CD99: variants seen among roughly 807,000 people sequenced by gnomAD.
The protein encoded by CD99 is CD99 antigen.
In CD99, 19 loss-of-function variants were observed where a neutral mutation model predicts 28.4. The ratio of observed to expected loss-of-function variants is 0.67; its 90% CI spans 0.47 to 0.98. The LOEUF is 0.98. Ranked by LOEUF, CD99 falls within the 50% of genes least tolerant of loss-of-function variation. The pLI is 0.00. For synonymous variants in CD99, 103 were observed against 92.1 expected (o/e 1.12, Z -0.67); for missense variants, 283 against 248.8 (o/e 1.14, Z -0.92).
intron 8 of CD99, among the ~76,000 whole-genome samples, chrX:2,728,625 C>T (rs781323647): frequency 1.3e-5 from 2 of 152,300 alleles, no homozygotes; most frequent in South Asian, 4.1e-4. Flanking sequence ...TAACATTCTT[C>T]TCCCCTCTTG....
chrX:2,692,524 C>T (rs2047373325), intron 1 of CD99, among the ~76,000 whole-genome samples: 1 of 152,162 alleles, frequency 6.6e-6, no homozygotes, highest in Admixed American at 6.5e-5. Flanking sequence ...TTAAAGGGGT[C>T]CCGGGTATCC....
At chrX:2,738,986 C>G (rs1159204855) in intron 9 of CD99, among the ~76,000 whole-genome samples, 1 of 151,864 alleles carries the variant, frequency 6.6e-6, no homozygotes, top group Non-Finnish European at 1.5e-5. Flanking sequence ...AAGCTGGAAC[C>G]ACAGGCGTGC....
intron 8 of CD99, among the ~76,000 whole-genome samples, chrX:2,726,768 C>T (rs900620947): frequency 2.0e-5 from 3 of 152,066 alleles, no homozygotes; most frequent in South Asian, 2.1e-4. Context: ...TATTTACAAC[C>T]GATGTCATCA....
At chrX:2,696,858 A>G (rs1259217515) in intron 1 of CD99, among the ~76,000 whole-genome samples, 1 of 152,022 alleles carries the variant, frequency 6.6e-6, no homozygotes, top group Non-Finnish European at 1.5e-5. Context: ...GAGATGGTGC[A>G]TGGGTGTGTT....
intron 1 of CD99, chrX:2,692,108 A>G (rs905425690): frequency 5.2e-5 from 31 of 598,324 alleles, no homozygotes; most frequent in Admixed American, 3.0e-5. Flanking sequence ...CAGGGAAGAA[A>G]GAGCCACGGT....
rs768091309 is a variant in CD99, at chrX:2,691,354, G to A, written c.-7G>A. Reference sequence around the variant, plus strand: ...CCGGGACCGTCCCTGCGCGCTCTGGGCGCACCATGGCCCGCGGGGCTGCGC... The same window carrying A: ...CCGGGACCGTCCCTGCGCGCTCTGGACGCACCATGGCCCGCGGGGCTGCGC... On this transcript the variant is annotated 5_prime_UTR_variant, in exon 1 of 10. Transcript: ENST00000381192. 1 of 1,564,662 alleles carries A rather than the reference G, an allele frequency of 6.4e-7. No individual in the cohort carries two copies. The highest frequency in any genetic ancestry group is 1.2e-5 in the South Asian group (1 of 86,528).
chrX:2,731,765 CA>C (rs1237858402), intron 8 of CD99, among the ~76,000 whole-genome samples: 4 of 151,996 alleles, frequency 2.6e-5, no homozygotes, highest in African/African-American at 9.7e-5. Flanking sequence ...GGCATCTTTC[CA>C]ACAAGGAGAT....
At chrX:2,700,589 G>A (rs994125357) in intron 1 of CD99, among the ~76,000 whole-genome samples, 4 of 138,900 alleles carry the variant, frequency 2.9e-5, no homozygotes, top group South Asian at 2.3e-4. Flanking sequence ...TCCATCCGTC[G>A]TCCCATTCCT....
intron 2 of CD99, chrX:2,714,671 A>C (rs939551969): frequency 9.4e-6 from 4 of 425,118 alleles, no homozygotes; most frequent in Admixed American, 8.4e-5. Context: ...AGTATACTCC[A>C]ATTGAAAATA....
Position 2,691,390 on chromosome X carries a change from G to A in CD99, c.30G>A (p.Leu10=). MARGAALAL[L]LFGLLGVLVA... ...CCCGCGGGGCTGCGCTGGCGCTGCT[G>A]CTCTTCGGCCTGCTGGGTGTTCTGG... The change falls in exon 1 of 10, where the codon CTG becomes CTA. Residue 10 remains leucine (L), a synonymous_variant. Transcript: ENST00000381192. The A allele has an allele frequency of 6.3e-7, 1 of 1,582,730 alleles. No individual in the cohort carries two copies. Among genetic ancestry groups the A allele is most frequent in the East Asian group, 2.3e-5 (1 of 43,696 alleles).
chrX:2,698,521 CA>C (rs1240520215), intron 1 of CD99, among the ~76,000 whole-genome samples: 4 of 152,160 alleles, frequency 2.6e-5, no homozygotes, highest in Non-Finnish European at 4.4e-5. Flanking sequence ...GGCTGAAGTG[CA>C]GTGGTGTGAT....
chrX:2,701,492 G>A (rs2047860754), intron 1 of CD99, among the ~76,000 whole-genome samples: 1 of 152,228 alleles, frequency 6.6e-6, no homozygotes, highest in Non-Finnish European at 1.5e-5. Flanking sequence ...CACTTGTTCA[G>A]GGGGTCAGAG....
intron 1 of CD99, chrX:2,691,654 T>G: frequency 1.4e-6 from 1 of 707,668 alleles, no homozygotes; most frequent in Non-Finnish European, 2.6e-6. Context: ...GCGTTTGTTG[T>G]CGGAGTTGCA....
At chrX:2,703,606 G>A (rs1416614005) in intron 1 of CD99, among the ~76,000 whole-genome samples, 1 of 28,278 alleles carries the variant, frequency 3.5e-5, no homozygotes, top group African/African-American at 3.8e-4. Flanking sequence ...GAGCTGTTAA[G>A]TGTGTGTGTG....
chrX:2,708,310 C>T (rs887874657), intron 1 of CD99, among the ~76,000 whole-genome samples: 4 of 152,020 alleles, frequency 2.6e-5, no homozygotes, highest in Non-Finnish European at 4.4e-5. Flanking sequence ...TATATGAAAT[C>T]GAGAGCGGGT....
chrX:2,691,414 G>A lies in CD99; in HGVS notation c.54G>A (p.Leu18=). 3 of 1,584,718 alleles carry A rather than the reference G, an allele frequency of 1.9e-6. No individual in the cohort carries two copies. Among genetic ancestry groups the A allele is most frequent in the Non-Finnish European group, 2.6e-6 (3 of 1,174,500 alleles). The change falls in exon 1 of 10, where the codon CTG becomes CTA. Residue 18 remains leucine (L), a synonymous_variant. Coordinates refer to ENST00000381192, the MANE Select transcript of CD99 (RefSeq NM_002414.5). ...TGCTCTTCGGCCTGCTGGGTGTTCT[G>A]GTCGCCGCCCCGGGTGAGCGAGCGG... is the stretch of plus-strand genomic sequence containing the variant. ...ALLLFGLLGV[L]VAAPDGGFDL...
chrX:2,729,131 C>T (rs927625554), intron 8 of CD99, among the ~76,000 whole-genome samples: 15 of 152,132 alleles, frequency 9.9e-5, no homozygotes, highest in Non-Finnish European at 2.1e-4. Context: ...TCAAAGCACC[C>T]GGCCTCTTTT....
chrX:2,738,194 T>G lies in CD99; in HGVS notation c.476-6T>G. ...GCCTCTCTGTGTATTTTCTTCTTCT[T>G]TTCAGCAGAACAAGGGGAGGTGGAC... On this transcript the variant is annotated splice_region_variant and splice_polypyrimidine_tract_variant and intron_variant, in intron 8 of 9. Coordinates refer to ENST00000381192, the MANE Select transcript of CD99 (RefSeq NM_002414.5). 1.9e-6 allele frequency: 3 copies of G among 1,613,630 alleles called. No homozygotes were observed. The highest frequency in any genetic ancestry group is 2.5e-6 in the Non-Finnish European group (3 of 1,179,596).
At chrX:2,724,130 T>G (rs1376744143) in intron 7 of CD99, among the ~76,000 whole-genome samples, 3 of 152,052 alleles carry the variant, frequency 2.0e-5, no homozygotes, top group Non-Finnish European at 4.4e-5. Context: ...GGTAGTAATC[T>G]GTAGCCCTCA....
Sources: allele counts gnomAD v4.1 joint callset (sites outside exome capture counted in the v4.1 genomes callset), GRCh38; gene constraint gnomAD v4.1.1; transcripts MANE v1.5; gene names NCBI Gene and HGNC (gene_info 2026-07-23, HGNC 2026-07-21).